Variants in DDI2 observed in about 807,000 individuals in gnomAD.
The protein encoded by DDI2 is DDI proteasomal shuttling factor 2.
A neutral mutation model predicts 48.1 loss-of-function variants in DDI2; 5 were observed. The observed-to-expected ratio is 0.10, with a 90% CI of 0.05 to 0.22. The LOEUF (loss-of-function observed/expected upper bound fraction) is 0.22. DDI2 is among the 10% of genes least tolerant of loss of function. The pLI is 1.00. For synonymous variants in DDI2, 205 were observed against 183.6 expected (o/e 1.12, Z -0.94); for missense variants, 285 against 506.2 (o/e 0.56, Z 4.19).
rs535226905 is a variant in DDI2, at chr1:15,660,489, C to T, written c.*699C>T. The T allele has an allele frequency of 3.7e-5, 59 of 1,613,872 alleles. 1 individual carries two copies. The highest frequency in any genetic ancestry group is 4.5e-5 in the Non-Finnish European group (53 of 1,180,004). On this transcript the variant is annotated 3_prime_UTR_variant, in exon 10 of 10. Coordinates refer to ENST00000480945, the MANE Select transcript of DDI2 (RefSeq NM_032341.5). ...CTGAAGAAAGGCAACAGAATCAACA[C>T]AAAATTGTTGATTTGGAAGCTACGA... is the stretch of plus-strand genomic sequence containing the variant.
Position 15,660,355 on chromosome 1 carries a change from AGTGACC to A in DDI2, c.*566_*571del, listed in dbSNP as rs1570994577. On this transcript the variant is annotated 3_prime_UTR_variant, in exon 10 of 10. Coordinates refer to ENST00000480945, the MANE Select transcript of DDI2 (RefSeq NM_032341.5). ...AGAAAATCAGAACCTGAGTCAAGTGAGTGACCCTCAGCAGCACGAAGAACCAGGGAA... is the reference window on the plus strand; with the variant it reads ...AGAAAATCAGAACCTGAGTCAAGTGACTCAGCAGCACGAAGAACCAGGGAA... 6.2e-7 allele frequency: 1 copy of A among 1,614,156 alleles called. No homozygotes were observed.
At chr1:15,630,237 C>A in intron 2 of DDI2, 88 bp from the exon 3 acceptor site, 1 of 1,197,728 alleles carries the variant, frequency 8.3e-7, no homozygotes, top group Non-Finnish European at 1.2e-6. Context: ...CTGTCATATA[C>A]CATGTATGAG....
intron 1 of DDI2, 93 bp from the exon 2 acceptor site, chr1:15,626,576 G>A: frequency 1.3e-6 from 2 of 1,548,092 alleles, no homozygotes; most frequent in East Asian, 2.3e-5. Flanking sequence ...TGAAAGGAGG[G>A]TGACATCTGA....
At position 15,660,631 on chromosome 1, in the gene DDI2, C is replaced by T. The variant is rs1640355144; in HGVS notation, c.*841C>T. 6.2e-6 allele frequency: 10 copies of T among 1,614,158 alleles called. 1 individual carries two copies. The highest frequency in any genetic ancestry group is 4.5e-5 in the East Asian group (2 of 44,888). ...AACATTTATGGAAATCGATACAGCT[C>T]AACAGTCCCTAGTTACTTTGCTTAA... is the stretch of plus-strand genomic sequence containing the variant. On this transcript the variant is annotated 3_prime_UTR_variant, in exon 10 of 10. Coordinates refer to ENST00000480945, the MANE Select transcript of DDI2 (RefSeq NM_032341.5).
intron 5 of DDI2, among the ~76,000 whole-genome samples, chr1:15,639,106 A>T (rs1238430573): frequency 2.0e-5 from 3 of 152,150 alleles, no homozygotes; most frequent in African/African-American, 7.2e-5. Flanking sequence ...GTGTAAGGCT[A>T]TCTGGGTATG....
intron 1 of DDI2, among the ~76,000 whole-genome samples, chr1:15,625,578 G>T (rs1194196547): frequency 6.6e-6 from 1 of 151,690 alleles, no homozygotes; most frequent in Admixed American, 6.6e-5. Context: ...TTTTCCACTT[G>T]TATTTAGTTG....
rs1483314574 is a variant in DDI2 at position 15,667,753 on chromosome 1, A to C, written c.*7963A>C. On this transcript the variant is annotated 3_prime_UTR_variant, in exon 10 of 10. Transcript: ENST00000480945. ...TGAAGCATACAGGTAGAATTTCTGG[A>C]TCGTAACTACTAGTGACTTCTGAGG... is the stretch of plus-strand genomic sequence containing the variant. 1 of 152,212 alleles carries C rather than the reference A, an allele frequency of 6.6e-6. No homozygotes were observed. The highest frequency in any genetic ancestry group is 6.5e-5 in the Admixed American group (1 of 15,284). The allele number at this position is 152,212 out of a possible 1,614,324, so 9.4% of individuals were successfully genotyped here.
rs61546870 is a variant in DDI2, at chr1:15,637,380, A to AT, written c.633-919dup. The stretch of plus-strand genomic sequence containing the variant: ...GTGAACCACTGCACCTGGCATGTTG[A>AT]TTTTTTTTGTTTTTGGTGTCTCGCT... On this transcript the variant is annotated intron_variant, in intron 4 of 9. Transcript: ENST00000480945. Among the ~76,000 whole-genome samples the AT allele has an allele frequency of 5.9e-3, 897 of 151,788 alleles. 9 individuals are homozygous for AT. The highest frequency in any genetic ancestry group is 0.02 in the African/African-American group (842 of 41,392).
chr1:15,649,945 A>G, intron 7 of DDI2, 122 bp downstream of exon 7: 1 of 905,164 alleles, frequency 1.1e-6, no homozygotes, highest in South Asian at 1.9e-5. Context: ...AAACCTGGAA[A>G]TGTCCTTAAA....
At chr1:15,619,077 A>AG (rs565282797) in intron 1 of DDI2, among the ~76,000 whole-genome samples, 1 of 152,212 alleles carries the variant, frequency 6.6e-6, no homozygotes, top group Non-Finnish European at 1.5e-5. Flanking sequence ...GAACTAGGAA[A>AG]GGACTGTTTA....
intron 9 of DDI2, chr1:15,656,880 C>A (rs1193588833): frequency 1.6e-6 from 1 of 635,786 alleles, no homozygotes; most frequent in Non-Finnish European, 2.5e-6. Context: ...AAAATGGATT[C>A]GTTATTAGAA....
In DDI2 at chr1:15,660,133, A is replaced by C. The variant is rs761444698; in HGVS notation, c.*343A>C. On this transcript the variant is annotated 3_prime_UTR_variant, in exon 10 of 10. Transcript: ENST00000480945. ...TGCTTCCTCAGCAGACCATGCTCCA[A>C]CAGACCAGAGTCCAGCTATGCCTAT... is the stretch of plus-strand genomic sequence containing the variant. The C allele has an allele frequency of 6.2e-7, 1 of 1,614,210 alleles. No homozygotes were observed. Among genetic ancestry groups the C allele is most frequent in the Non-Finnish European group, 8.5e-7 (1 of 1,180,038 alleles).
At chr1:15,658,372 A>G (rs1051074068) in intron 9 of DDI2, among the ~76,000 whole-genome samples, 121 of 151,154 alleles carry the variant, frequency 8.0e-4, no homozygotes, top group South Asian at 2.5e-3. Context: ...CTGGTCTCGA[A>G]CTCCTGACCT....
At position 15,660,439 on chromosome 1, in the gene DDI2, T is replaced by G. The variant is rs201052785; in HGVS notation, c.*649T>G. ...AGCTTCACATGACCAAGAATATCTT[T>G]GTAACATAGGGGACCTTGAGCTTCC... is the stretch of plus-strand genomic sequence containing the variant. On this transcript the variant is annotated 3_prime_UTR_variant, in exon 10 of 10. Coordinates refer to ENST00000480945, the MANE Select transcript of DDI2 (RefSeq NM_032341.5). 3.7e-6 allele frequency: 6 copies of G among 1,614,080 alleles called. No homozygotes were observed. In the East Asian group the frequency reaches 1.1e-4, roughly 30 times the overall value.
chr1:15,629,592 G>A (rs542629411), intron 2 of DDI2, among the ~76,000 whole-genome samples: 1,296 of 122,286 alleles, frequency 0.011, 18 homozygotes, highest in African/African-American at 0.043. Flanking sequence ...GCAAGACTCC[G>A]TGTCAAAAAA....
At chr1:15,627,142 A>G (rs774770715) in intron 2 of DDI2, 2 of 202,820 alleles carry the variant, frequency 9.9e-6, no homozygotes, top group Non-Finnish European at 2.0e-5. Flanking sequence ...AAGAATACAT[A>G]AGCCTATGAT....
intron 7 of DDI2, among the ~76,000 whole-genome samples, chr1:15,650,403 G>A (rs1049539286): frequency 5.3e-5 from 8 of 152,162 alleles, no homozygotes; most frequent in Non-Finnish European, 1.0e-4. Context: ...GGGTGGTATG[G>A]CTGTAGACCT....
chr1:15,649,664 TC>T, intron 6 of DDI2, 55 bp from the exon 7 acceptor site: 1 of 1,556,306 alleles, frequency 6.4e-7, no homozygotes, highest in Non-Finnish European at 8.7e-7. Flanking sequence ...AGAGCGAAAC[TC>T]CGTCTCTGTT....
intron 1 of DDI2, among the ~76,000 whole-genome samples, chr1:15,623,466 T>C (rs1006375558): frequency 5.6e-5 from 8 of 143,694 alleles, no homozygotes; most frequent in Admixed American, 1.4e-4. Flanking sequence ...CAATCATAAC[T>C]CACTGCAACC....
Sources: allele counts gnomAD v4.1 joint callset (sites outside exome capture counted in the v4.1 genomes callset), GRCh38; gene constraint gnomAD v4.1.1; transcripts MANE v1.5; gene names NCBI Gene and HGNC (gene_info 2026-07-23, HGNC 2026-07-21).